Variants in CLCC1 observed in about 807,000 individuals in gnomAD.
CLCC1 encodes chloride channel CLIC like 1, also known as chloride channel CLIC-like protein 1.
A neutral mutation model predicts 63.3 loss-of-function variants in CLCC1; 39 were observed. That is an observed-to-expected ratio of 0.62 (90% CI 0.48 to 0.81). CLCC1 has a LOEUF of 0.81. Ranked by LOEUF, CLCC1 falls within the 30% of genes least tolerant of loss-of-function variation. The pLI is 0.00. For synonymous variants in CLCC1, 217 were observed against 239.8 expected, an observed-to-expected ratio of 0.90 and a Z score of 0.88; for missense variants, 549 against 669.4, an observed-to-expected ratio of 0.82 and a Z score of 1.98.
intron 4 of CLCC1, 50 bp downstream of exon 4, chr1:108,949,770 G>C (rs1654962345): frequency 1.1e-6 from 1 of 932,484 alleles, no homozygotes; most frequent in Non-Finnish European, 1.6e-6. Context: ...AGAATATAGA[G>C]CGATTTAACA....
Position 108,939,714 on chromosome 1 carries a change from T to G in CLCC1, c.963A>C (p.Glu321Asp), listed in dbSNP as rs1470457945. 2 of 1,614,150 alleles carry G rather than the reference T, an allele frequency of 1.2e-6. No individual in the cohort carries two copies. The highest frequency in any genetic ancestry group is 1.7e-6 in the Non-Finnish European group (2 of 1,180,014). Residue 321 changes from glutamate (E) to aspartate (D), a missense_variant, in exon 10 of 13, where the codon GAA becomes GAC. Physicochemically the swap from Glu to Asp is conservative, Grantham distance 45 (BLOSUM62 2). Transcript: ENST00000369969. ...TTTCCTTCATGAGTGCTTTAATAAA[T>G]TCCCCAGTTCCTTTTCCAATATGCT... ...PLKHIGKGTG[E>D]FIKALMKEIP...
rs112314636 is a variant in CLCC1, at chr1:108,937,299, A to G, written c.1161T>C (p.Tyr387=). 5.0e-6 allele frequency: 8 copies of G among 1,614,114 alleles called. No individual in the cohort carries two copies. Among genetic ancestry groups the G allele is most frequent in the Non-Finnish European group, 6.8e-6 (8 of 1,180,038 alleles). Residue 387 remains tyrosine (Y), a synonymous_variant, in exon 11 of 13, where the codon TAT becomes TAC. Coordinates refer to ENST00000369969, the MANE Select transcript of CLCC1 (RefSeq NM_001377458.1). ...CATCACCTGCTCCACCATCAGGTCT[A>G]TAATCAATTTCCTCCTGCCGTCTTC... ...RDRRRQEEID[Y]RPDGGAGDAD...
At chr1:108,934,552 T>C (rs536742769) in intron 12 of CLCC1, 73 bp downstream of exon 12, 2 of 1,169,516 alleles carry the variant, frequency 1.7e-6, no homozygotes, top group East Asian at 2.4e-5. Flanking sequence ...GAAATGTGAA[T>C]GTTGAAGTTG....
intron 1 of CLCC1, 118 bp downstream of exon 1, chr1:108,963,243 C>T (rs1452600793): frequency 3.3e-6 from 2 of 606,174 alleles, no homozygotes; most frequent in African/African-American, 3.7e-5. Flanking sequence ...GTCCCCGCCC[C>T]GGGTCGCGCC....
rs1222111532 is a variant in CLCC1, at chr1:108,963,428, A to G, written c.-240T>C. On this transcript the variant is annotated 5_prime_UTR_variant, in exon 1 of 13. Coordinates refer to ENST00000369969, the MANE Select transcript of CLCC1 (RefSeq NM_001377458.1). ...AGGCCGGCCGCAGAAGAGGTCGCAC[A>G]GCTTGCCGCCGCCCAGGGTTTCAGC... 4.3e-6 allele frequency: 3 copies of G among 702,334 alleles called. No homozygotes were observed. The highest frequency in any genetic ancestry group is 7.8e-6 in the Non-Finnish European group (3 of 384,888). The allele number at this position is 702,334 out of a possible 1,614,324, so 43.5% of individuals were successfully genotyped here. A position where few individuals can be genotyped will look rare whatever the true frequency, so the allele number is the denominator to read the frequency against.
Position 108,963,317 on chromosome 1 carries a change from C to G in CLCC1, c.-173+44G>C, listed in dbSNP as rs760480317. On this transcript the variant is annotated intron_variant, in intron 1 of 12. Transcript: ENST00000369969. Reference sequence around the variant, plus strand: ...CCCGCCAGGGCGTAACGGCGGGTAACCCGCCCCACCCGCCGCACAACACAC... The same window carrying G: ...CCCGCCAGGGCGTAACGGCGGGTAAGCCGCCCCACCCGCCGCACAACACAC... 9.1e-6 allele frequency: 6 copies of G among 661,226 alleles called. No homozygotes were observed. The African/African-American group carries it at 1.1e-4, about 12-fold the overall frequency. The allele number at this position is 661,226 out of a possible 1,614,324, so 41.0% of individuals were successfully genotyped here.
chr1:108,948,373 C>T (rs1654803881), intron 4 of CLCC1, among the ~76,000 whole-genome samples: 1 of 152,194 alleles, frequency 6.6e-6, no homozygotes, highest in Admixed American at 6.5e-5. Context: ...AGCTCTGCCA[C>T]CACCAACCCA....
rs77035094 is a variant in CLCC1 at position 108,953,457 on chromosome 1, T to C, written c.-11-3009A>G. 5.1e-3 allele frequency among the ~76,000 whole-genome samples: 772 copies of C among 152,308 alleles called. 11 individuals are homozygous for C. Among genetic ancestry groups the C allele is most frequent in the African/African-American group, 0.017 (724 of 41,564 alleles). On this transcript the variant is annotated intron_variant, in intron 2 of 12. Coordinates refer to ENST00000369969, the MANE Select transcript of CLCC1 (RefSeq NM_001377458.1). ...TAGGACCCAGGCACTTCGATCTTTT[T>C]AAGCTCCCCAAGTGATTCTAATGTG...
chr1:108,944,964 A>G (rs1224540826), intron 5 of CLCC1, among the ~76,000 whole-genome samples: 3 of 152,128 alleles, frequency 2.0e-5, no homozygotes, highest in African/African-American at 7.2e-5. Flanking sequence ...CACCTCAAAC[A>G]CCAATTAGCA....
chr1:108,952,374 C>T (rs1040516875), intron 2 of CLCC1, among the ~76,000 whole-genome samples: 1 of 151,940 alleles, frequency 6.6e-6, no homozygotes, highest in Non-Finnish European at 1.5e-5. Flanking sequence ...GATGGGATTT[C>T]TCCATGTTGG....
At position 108,939,550 on chromosome 1, in the gene CLCC1, C is replaced by T. The variant is rs971571749; in HGVS notation, c.1041+86G>A. The T allele has an allele frequency of 1.3e-5, 15 of 1,191,440 alleles. No individual in the cohort carries two copies. In the African/African-American group the frequency reaches 2.2e-4, roughly 17 times the overall value. The allele number at this position is 1,191,440 out of a possible 1,614,324, so 73.8% of individuals were successfully genotyped here. A position where few individuals can be genotyped will look rare whatever the true frequency, so the allele number is the denominator to read the frequency against. On this transcript the variant is annotated intron_variant, in intron 10 of 12. Coordinates refer to ENST00000369969, the MANE Select transcript of CLCC1 (RefSeq NM_001377458.1). ...GGTCTCGATCTCCTGACCTCGTGAT[C>T]CGCCCGCCTAGGCCTCCCAAAGTGC...
Position 108,930,239 on chromosome 1 carries a change from T to C in CLCC1, c.*2308A>G, listed in dbSNP as rs1029358720. On this transcript the variant is annotated 3_prime_UTR_variant, in exon 13 of 13. Transcript: ENST00000369969. Reference sequence around the variant, plus strand: ...ATAAAGTAGGAAGTTAAGTGAATCATAGATTAGAATTTAATACTCTTATGG... The same window carrying C: ...ATAAAGTAGGAAGTTAAGTGAATCACAGATTAGAATTTAATACTCTTATGG... The C allele has an allele frequency of 2.7e-5, 8 of 296,150 alleles. No homozygotes were observed. The highest frequency in any genetic ancestry group is 6.3e-5 in the East Asian group (1 of 15,768). 18.3% of individuals were successfully genotyped at this position (296,150 alleles called of 1,614,324 possible). A position where few individuals can be genotyped will look rare whatever the true frequency, so the allele number is the denominator to read the frequency against.
At chr1:108,959,383 A>G (rs1227556171) in intron 2 of CLCC1, among the ~76,000 whole-genome samples, 4 of 152,010 alleles carry the variant, frequency 2.6e-5, no homozygotes, top group Non-Finnish European at 4.4e-5. Context: ...AAGAAAAAAA[A>G]GCTCATATGA....
At position 108,931,215 on chromosome 1, in the gene CLCC1, C is replaced by A; in HGVS notation, c.*1332G>T. On this transcript the variant is annotated 3_prime_UTR_variant, in exon 13 of 13. Transcript: ENST00000369969. ...AGGTCAAGAACCTAGGACACATAAA[C>A]AAACAGAAAACAGATGAAAACTCAC... 7.7e-7 allele frequency: 1 copy of A among 1,293,424 alleles called. No individual in the cohort carries two copies. The highest frequency in any genetic ancestry group is 1.0e-6 in the Non-Finnish European group (1 of 971,130). 80.1% of individuals were successfully genotyped at this position (1,293,424 alleles called of 1,614,324 possible).
chr1:108,937,138 A>G lies in CLCC1; in HGVS notation c.1322T>C (p.Val441Ala). 1 of 1,546,060 alleles carries G rather than the reference A, an allele frequency of 6.5e-7. No individual in the cohort carries two copies. Among genetic ancestry groups the G allele is most frequent in the Non-Finnish European group, 8.7e-7 (1 of 1,147,844 alleles). The change falls in exon 11 of 13, where the codon GTG becomes GCG. Residue 441 changes from valine to alanine, a missense_variant. By Grantham distance (64) the Val-to-Ala change is moderately conservative. Coordinates refer to ENST00000369969, the MANE Select transcript of CLCC1 (RefSeq NM_001377458.1). ...RFQTGNKSPE[V>A]LRAFDVPDAE... ...GTCTGGTACATCAAATGCCCGGAGC[A>G]CTTCAGGGCTCTTGTTGCCAGTCTG...
intron 11 of CLCC1, 128 bp downstream of exon 11, chr1:108,936,945 AGAGT>A (rs1277380825): frequency 2.0e-6 from 1 of 499,172 alleles, no homozygotes; most frequent in Non-Finnish European, 3.2e-6. Flanking sequence ...GAAAGGGGAG[AGAGT>A]GAGTGGCTGT....
chr1:108,952,017 A>C (rs937958950), intron 2 of CLCC1, among the ~76,000 whole-genome samples: 1 of 152,104 alleles, frequency 6.6e-6, no homozygotes, highest in Non-Finnish European at 1.5e-5. Flanking sequence ...GGCTCAAGCT[A>C]TCCTCCCACC....
Position 108,934,719 on chromosome 1 carries a change from C to T in CLCC1, c.1607G>A (p.Gly536Asp). The T allele has an allele frequency of 6.2e-7, 1 of 1,614,106 alleles. No individual in the cohort carries two copies. Among genetic ancestry groups the T allele is most frequent in the Non-Finnish European group, 8.5e-7 (1 of 1,180,040 alleles). ...ATCCTGTCCACGTGGTCCAGCCACACCTCTTGCGGGGCTGTATGTGCTGCC... is the reference window on the plus strand; with the variant it reads ...ATCCTGTCCACGTGGTCCAGCCACATCTCTTGCGGGGCTGTATGTGCTGCC... Reference protein sequence around the residue: ...DQGSTYSPARGVAGPRGQDPV... With the variant: ...DQGSTYSPARDVAGPRGQDPV... Residue 536 changes from glycine to aspartate, a missense_variant, in exon 12 of 13, where the codon GGT (glycine) becomes GAT (aspartate). Gly to Asp is a moderately conservative substitution (Grantham distance 94, BLOSUM62 -1). Transcript: ENST00000369969.
chr1:108,931,159 T>C lies in CLCC1; in HGVS notation c.*1388A>G. ...TAAAACAAACTTTTCTAAGTTCTAA[T>C]ATAAAAACAAAAAACAAAACCCATG... On this transcript the variant is annotated 3_prime_UTR_variant, in exon 13 of 13. Coordinates refer to ENST00000369969, the MANE Select transcript of CLCC1 (RefSeq NM_001377458.1). The C allele has an allele frequency of 8.9e-6, 6 of 673,666 alleles. No individual in the cohort carries two copies. The highest frequency in any genetic ancestry group is 1.4e-5 in the Non-Finnish European group (6 of 436,702). The allele number at this position is 673,666 out of a possible 1,614,324, so 41.7% of individuals were successfully genotyped here.
Sources: allele counts gnomAD v4.1 joint callset (sites outside exome capture counted in the v4.1 genomes callset), GRCh38; gene constraint gnomAD v4.1.1; transcripts MANE v1.5; gene names NCBI Gene and HGNC (gene_info 2026-07-23, HGNC 2026-07-21).